The following MMP12 variants were observed in gnomAD, a reference collection of about 807,000 sequenced individuals.
The protein encoded by MMP12 is matrix metallopeptidase 12, also known as macrophage metalloelastase.
MMP12 carries 51 observed loss-of-function variants against 45.2 expected under a neutral mutation model. The ratio of observed to expected loss-of-function variants is 1.13; its 90% confidence interval spans 0.90 to 1.42. The LOEUF (loss-of-function observed/expected upper bound fraction) is 1.42, where lower values mean the gene tolerates loss of function less well. MMP12 is among the 40% of genes most tolerant of loss of function. The pLI is 0.00. For synonymous variants in MMP12, 210 were observed against 193.3 expected (o/e 1.09, Z -0.72); for missense variants, 530 against 570.8 (o/e 0.93, Z 0.73).
At chr11:102,872,002 T>C (rs782201246) in intron 2 of MMP12, 50 bp from the exon 3 acceptor site, 1 of 1,541,608 alleles carries the variant, frequency 6.5e-7, no homozygotes, top group Admixed American at 2.0e-5. Flanking sequence ...AGTGTTATTT[T>C]GTCTTACCAC....
At chr11:102,864,275 G>A (rs1859345444) in intron 8 of MMP12, 23 bp from the exon 9 acceptor site, 2 of 1,546,384 alleles carry the variant, frequency 1.3e-6, no homozygotes, top group African/African-American at 1.4e-5. Flanking sequence ...GTAACCAGCA[G>A]GAACTCAATC....
At chr11:102,868,162 G>T (rs1859431463) in intron 4 of MMP12, 93 bp from the exon 5 acceptor site, 7 of 1,139,280 alleles carry the variant, frequency 6.1e-6, no homozygotes, top group Non-Finnish European at 8.7e-6. Context: ...AAAGATTTGA[G>T]AATCTTTTAC....
chr11:102,863,224 A>G, intron 9 of MMP12, 24 bp from the exon 10 acceptor site: 1 of 1,239,126 alleles, frequency 8.1e-7, no homozygotes, highest in Non-Finnish European at 1.2e-6. Context: ...CAAATTAAAT[A>G]GTTTAATTCC....
rs1555009897 is a variant in MMP12, at chr11:102,874,949, A to G, written c.-12T>C. The G allele has an allele frequency of 6.5e-7, 1 of 1,530,914 alleles. No individual in the cohort carries two copies. Among genetic ancestry groups the G allele is most frequent in the East Asian group, 2.3e-5 (1 of 42,814 alleles). The allele number at this position is 1,530,914 out of a possible 1,614,324, so 94.8% of individuals were successfully genotyped here. A position where few individuals can be genotyped will look rare whatever the true frequency, so the allele number is the denominator to read the frequency against. On this transcript the variant is annotated 5_prime_UTR_variant, in exon 1 of 10. Coordinates refer to ENST00000571244, the MANE Select transcript of MMP12 (RefSeq NM_002426.6). The stretch of plus-strand genomic sequence containing the variant: ...AGAAGAAACTTCATTGTAAACTTCT[A>G]AACGGATCAATTCAGTTTACTGTGT...
chr11:102,874,318 G>A (rs745416485), intron 1 of MMP12, among the ~76,000 whole-genome samples: 8 of 152,184 alleles, frequency 5.3e-5, no homozygotes, highest in East Asian at 3.9e-4. Flanking sequence ...AGGCTGAGGC[G>A]GGGGATTGCT....
intron 7 of MMP12, 79 bp from the exon 8 acceptor site, chr11:102,866,014 A>G: frequency 1.8e-6 from 2 of 1,128,406 alleles, no homozygotes; most frequent in East Asian, 2.4e-5. Context: ...TATAAACAAC[A>G]TAATTCCTTT....
At chr11:102,867,736 C>A (rs1287600775) in intron 5 of MMP12, among the ~76,000 whole-genome samples, 172 bp downstream of exon 5, 1 of 152,126 alleles carries the variant, frequency 6.6e-6, no homozygotes, top group African/African-American at 2.4e-5. Flanking sequence ...CATACTAGGT[C>A]TCTTGTCCTC....
rs926151195 is a variant in MMP12 at position 102,865,586 on chromosome 11, A to G, written c.1205+190T>C. The stretch of plus-strand genomic sequence containing the variant: ...AAAAACACACATTATCTACTATTTC[A>G]TATATCAGAAACCAAAAACACAAAG... On this transcript the variant is annotated intron_variant, in intron 8 of 9. Coordinates refer to ENST00000571244, the MANE Select transcript of MMP12 (RefSeq NM_002426.6). This position sits in a 1 kb window ranked among gnomAD's most constrained non-coding sequence, Gnocchi z 4.1. Among the ~76,000 whole-genome samples the G allele has an allele frequency of 1.5e-4, 23 of 152,156 alleles. No individual in the cohort carries two copies. Among genetic ancestry groups the G allele is most frequent in the African/African-American group, 5.5e-4 (23 of 41,444 alleles).
At chr11:102,868,805 G>T (rs1251123003) in intron 4 of MMP12, among the ~76,000 whole-genome samples, 1 of 151,848 alleles carries the variant, frequency 6.6e-6, no homozygotes, top group Admixed American at 6.6e-5. Flanking sequence ...ATGACTCAAG[G>T]AAAGAATATA....
Position 102,874,028 on chromosome 11 carries a change from CAAAAAA to C in MMP12, c.102+802_102+807del, listed in dbSNP as rs35364937. 6.3e-3 allele frequency among the ~76,000 whole-genome samples: 616 copies of C among 97,488 alleles called. 1 individual carries two copies. The highest frequency in any genetic ancestry group is 9.9e-3 in the Non-Finnish European group (457 of 46,198). The allele number at this position is 97,488 out of a possible 152,430, so 64.0% of individuals were successfully genotyped here. On this transcript the variant is annotated intron_variant, in intron 1 of 9. Coordinates refer to ENST00000571244, the MANE Select transcript of MMP12 (RefSeq NM_002426.6). ...TGGGTGTCAGAGTAAAACCCTGTCT[CAAAAAA>C]AAAAAAAAAAAGAAAAAGAAAAGAA... is the stretch of plus-strand genomic sequence containing the variant.
In MMP12 at chr11:102,871,955, T is replaced by TTATCAGCAA; in HGVS notation, c.351-12_351-4dup. The TTATCAGCAA allele has an allele frequency of 6.2e-7, 1 of 1,600,246 alleles. No homozygotes were observed. Among genetic ancestry groups the TTATCAGCAA allele is most frequent in the Non-Finnish European group, 8.5e-7 (1 of 1,175,220 alleles). ...TGTCAGGTGTGTAATTATTGATTCT[T>TTATCAGCAA]TATCAGCAAAAAGAGAGAGAAAAAT... On this transcript the variant is annotated splice_region_variant and splice_polypyrimidine_tract_variant and intron_variant, in intron 2 of 9. Coordinates refer to ENST00000571244, the MANE Select transcript of MMP12 (RefSeq NM_002426.6).
At position 102,865,972 on chromosome 11, in the gene MMP12, A is replaced by G; in HGVS notation, c.1046-37T>C. On this transcript the variant is annotated intron_variant, in intron 7 of 9. Coordinates refer to ENST00000571244, the MANE Select transcript of MMP12 (RefSeq NM_002426.6). The surrounding 1 kb of genome is among the most constrained non-coding windows in gnomAD (Gnocchi z 4.1). ...AAGAAATAGGGTAAATTTGAATTATACAGGAAGAGTAATAAGAAAATATTG... is the reference window on the plus strand; with the variant it reads ...AAGAAATAGGGTAAATTTGAATTATGCAGGAAGAGTAATAAGAAAATATTG... 6.8e-7 allele frequency: 1 copy of G among 1,475,758 alleles called. No homozygotes were observed. The highest frequency in any genetic ancestry group is 9.3e-7 in the Non-Finnish European group (1 of 1,073,536). The allele number at this position is 1,475,758 out of a possible 1,614,324, so 91.4% of individuals were successfully genotyped here.
At chr11:102,864,933 T>G (rs1157817819) in intron 8 of MMP12, among the ~76,000 whole-genome samples, 1 of 152,216 alleles carries the variant, frequency 6.6e-6, no homozygotes, top group African/African-American at 2.4e-5. Context: ...AGTGGAAAAC[T>G]AAACAGAAAC....
chr11:102,874,744 C>G (rs1859562607), intron 1 of MMP12, 92 bp downstream of exon 1: 1 of 794,812 alleles, frequency 1.3e-6, no homozygotes. Flanking sequence ...TAAAAGCAAA[C>G]AAACAAACAA....
At position 102,874,909 on chromosome 11, in the gene MMP12, T is replaced by C. The variant is rs201787630; in HGVS notation, c.29A>G (p.Gln10Arg). The change falls in exon 1 of 10, where the codon CAG becomes CGG. Residue 10 changes from glutamine (Q) to arginine (R), a missense_variant. Physicochemically the swap from Gln to Arg is conservative, Grantham distance 43. Transcript: ENST00000571244. MKFLLILLL[Q>R]ATASGALPLN... ...GGGAAGAGCTCCAGAAGCAGTGGCC[T>C]GCAGGAGCAGTATTAGAAGAAACTT... is the stretch of plus-strand genomic sequence containing the variant. 53 of 1,603,312 alleles carry C rather than the reference T, an allele frequency of 3.3e-5. 2 individuals carry two copies. In the South Asian group the frequency reaches 5.9e-4, roughly 18 times the overall value.
rs369489148 is a variant in MMP12, at chr11:102,869,201, G to T, written c.626-1132C>A. Among the ~76,000 whole-genome samples the T allele has an allele frequency of 1.4e-3, 215 of 152,094 alleles. 1 individual carries two copies. Among genetic ancestry groups the T allele is most frequent in the African/African-American group, 4.8e-3 (201 of 41,502 alleles). On this transcript the variant is annotated intron_variant, in intron 4 of 9. Transcript: ENST00000571244. The stretch of plus-strand genomic sequence containing the variant: ...AATTGTAGTTCAGAAGAACTGACTT[G>T]CCCAGAGTCACACGTCACTTAGCTG...
chr11:102,872,404 G>A (rs1015824125), intron 2 of MMP12, among the ~76,000 whole-genome samples: 20 of 151,468 alleles, frequency 1.3e-4, no homozygotes, highest in Admixed American at 6.6e-5. Context: ...GCAGTGGCAC[G>A]ATCTCGGCTC....
At position 102,862,967 on chromosome 11, in the gene MMP12, A is replaced by G. The variant is rs1859318965; in HGVS notation, c.*133T>C. ...AAAATATTATGTATTTTATATAATC[A>G]TTACCTATGGTTTACAGATTTTATT... is the stretch of plus-strand genomic sequence containing the variant. On this transcript the variant is annotated 3_prime_UTR_variant, in exon 10 of 10. Coordinates refer to ENST00000571244, the MANE Select transcript of MMP12 (RefSeq NM_002426.6). 3.9e-6 allele frequency: 2 copies of G among 507,478 alleles called. No homozygotes were observed. The highest frequency in any genetic ancestry group is 6.8e-6 in the Non-Finnish European group (2 of 293,038). 31.4% of individuals were successfully genotyped at this position (507,478 alleles called of 1,614,324 possible). A position where few individuals can be genotyped will look rare whatever the true frequency, so the allele number is the denominator to read the frequency against.
In MMP12 at chr11:102,872,973, G is replaced by A. The variant is rs781964741; in HGVS notation, c.242C>T (p.Thr81Ile). ...LGLKVTGQLD[T>I]STLEMMHAPR... ...TGCGTGCATCATCTCCAGGGTAGATGTGTCCAGTTGCCCGGTCACTTTCAG... is the reference window on the plus strand; with the variant it reads ...TGCGTGCATCATCTCCAGGGTAGATATGTCCAGTTGCCCGGTCACTTTCAG... Residue 81 changes from threonine to isoleucine, a missense_variant, in exon 2 of 10, where the codon ACA becomes ATA. Transcript: ENST00000571244. The A allele has an allele frequency of 1.9e-6, 3 of 1,613,714 alleles. No individual in the cohort carries two copies. Among genetic ancestry groups the A allele is most frequent in the Non-Finnish European group, 2.5e-6 (3 of 1,179,770 alleles).
Sources: allele counts gnomAD v4.1 joint callset (sites outside exome capture counted in the v4.1 genomes callset), GRCh38; gene constraint gnomAD v4.1.1; non-coding constraint Gnocchi (gnomAD v3.1); transcripts MANE v1.5; gene names NCBI Gene and HGNC (gene_info 2026-07-23, HGNC 2026-07-21).